Variants in ADCY2 observed in about 807,000 individuals in gnomAD.
The protein encoded by ADCY2 is adenylate cyclase type 2.
In ADCY2, 31 loss-of-function variants were observed where a neutral mutation model predicts 125.2. That is an observed-to-expected ratio of 0.25 (90% confidence interval 0.19 to 0.33). ADCY2 has a LOEUF of 0.33. ADCY2 is among the 10% of genes least tolerant of loss of function. The pLI is 1.00. For synonymous variants in ADCY2, 512 were observed against 548.4 expected (o/e 0.93, Z 0.93); for missense variants, 904 against 1,418.2 (o/e 0.64, Z 5.82).
chr5:7,670,058 C>T lies in ADCY2; in HGVS notation c.721-20633C>T, dbSNP rs117285030. On this transcript the variant is annotated intron_variant, in intron 4 of 24. Coordinates refer to ENST00000338316, the MANE Select transcript of ADCY2 (RefSeq NM_020546.3). Reference sequence around the variant, plus strand: ...ACCACTCCAGACAGTTAAGTTGTCACCAATGTTATTTTTTCATTTACTTAA... The same window carrying T: ...ACCACTCCAGACAGTTAAGTTGTCATCAATGTTATTTTTTCATTTACTTAA... Among the ~76,000 whole-genome samples, 49 of 152,286 alleles carry T rather than the reference C, an allele frequency of 3.2e-4. No homozygotes were observed. In the East Asian group the frequency reaches 3.5e-3, roughly 11 times the overall value.
chr5:7,617,221 T>A (rs1455489393), intron 3 of ADCY2, among the ~76,000 whole-genome samples: 1 of 152,162 alleles, frequency 6.6e-6, no homozygotes, highest in Non-Finnish European at 1.5e-5. Flanking sequence ...AACCCTGCCA[T>A]CACCTTGATA....
Position 7,512,218 on chromosome 5 carries a change from C to CAAAAAAAAAAAAAAAAAAA in ADCY2, c.409-8516_409-8498dup, listed in dbSNP as rs57381383. On this transcript the variant is annotated intron_variant, in intron 2 of 24. Coordinates refer to ENST00000338316, the MANE Select transcript of ADCY2 (RefSeq NM_020546.3). ...CCTGGGCAGTAGAGCATGACTCCATCAAAAAAAAAAAAAAAAAAAAAAGAA... is the reference window on the plus strand; with the variant it reads ...CCTGGGCAGTAGAGCATGACTCCATCAAAAAAAAAAAAAAAAAAAAAAAAAAAAAAAAAAAAAAAAAGAA... 3.6e-3 allele frequency among the ~76,000 whole-genome samples: 210 copies of CAAAAAAAAAAAAAAAAAAA among 57,774 alleles called. 12 individuals are homozygous for CAAAAAAAAAAAAAAAAAAA. Among genetic ancestry groups the CAAAAAAAAAAAAAAAAAAA allele is most frequent in the South Asian group, 0.013 (11 of 876 alleles). The allele number at this position is 57,774 out of a possible 152,430, so 37.9% of individuals were successfully genotyped here.
intron 16 of ADCY2, among the ~76,000 whole-genome samples, chr5:7,761,143 C>CTTT (rs1482654809): frequency 1.9e-4 from 12 of 64,538 alleles, no homozygotes; most frequent in South Asian, 1.3e-3. Context: ...CTTTTCTTTT[C>CTTT]TTTTCTTTTT....
At chr5:7,589,549 A>AGGAG in intron 3 of ADCY2, among the ~76,000 whole-genome samples, 1 of 151,164 alleles carries the variant, frequency 6.6e-6, no homozygotes, top group Middle Eastern at 3.4e-3. Context: ...GAGGGAGGGA[A>AGGAG]GGAGGAAGGA....
intron 15 of ADCY2, among the ~76,000 whole-genome samples, chr5:7,747,834 C>T (rs1413215621): frequency 2.0e-5 from 3 of 152,206 alleles, no homozygotes; most frequent in Non-Finnish European, 4.4e-5. Context: ...TGTACTACTT[C>T]AGGCACTTGA....
intron 3 of ADCY2, among the ~76,000 whole-genome samples, chr5:7,616,050 T>G (rs2126648555): frequency 6.6e-6 from 1 of 152,330 alleles, no homozygotes; most frequent in South Asian, 2.1e-4. Flanking sequence ...GGCATAATAC[T>G]TAAGTTGCTA....
At chr5:7,627,962 TTTTG>T (rs1170322492) in intron 4 of ADCY2, among the ~76,000 whole-genome samples, 9 of 152,306 alleles carry the variant, frequency 5.9e-5, no homozygotes, top group East Asian at 3.9e-4. Flanking sequence ...GAACCGATGT[TTTTG>T]TTTGTTTGTT....
At chr5:7,520,619 T>C in intron 2 of ADCY2, 119 bp from the exon 3 acceptor site, 1 of 1,105,202 alleles carries the variant, frequency 9.0e-7, no homozygotes, top group East Asian at 2.4e-5. Flanking sequence ...GTCTATAGAT[T>C]ATTTCTAAAA....
At chr5:7,789,826 G>A (rs1744198416) in intron 20 of ADCY2, 26 bp downstream of exon 20, 1 of 1,462,180 alleles carries the variant, frequency 6.8e-7, no homozygotes, top group Non-Finnish European at 9.1e-7. Flanking sequence ...CTGGGGGCTG[G>A]GGGAGGGGGC....
At chr5:7,541,285 C>T (rs979754451) in intron 3 of ADCY2, among the ~76,000 whole-genome samples, 1 of 152,204 alleles carries the variant, frequency 6.6e-6, no homozygotes, top group African/African-American at 2.4e-5. Flanking sequence ...AGCTGACTGG[C>T]AGCATGAGAA....
At chr5:7,398,595 G>T (rs1214940244) in intron 1 of ADCY2, among the ~76,000 whole-genome samples, 1 of 152,248 alleles carries the variant, frequency 6.6e-6, no homozygotes, top group Non-Finnish European at 1.5e-5. Context: ...TCCAGAGACA[G>T]TGAAATGAAT....
chr5:7,666,170 T>C (rs1343164726), intron 4 of ADCY2, among the ~76,000 whole-genome samples: 2 of 151,812 alleles, frequency 1.3e-5, no homozygotes, highest in Non-Finnish European at 2.9e-5. Flanking sequence ...AAGTCTTTAA[T>C]CACTTTGTCT....
chr5:7,768,107 A>C lies in ADCY2; in HGVS notation c.2214+1301A>C, dbSNP rs1743450223. Among the ~76,000 whole-genome samples the C allele has an allele frequency of 2.0e-5, 3 of 152,232 alleles. No homozygotes were observed. In the South Asian group the frequency reaches 6.2e-4, roughly 32 times the overall value. On this transcript the variant is annotated intron_variant, in intron 17 of 24. Transcript: ENST00000338316. ...TGAGGCCTTGACTAGGTCATGGGCA[A>C]AATGACCAAGGTCCAAAAGCAATGT... is the stretch of plus-strand genomic sequence containing the variant.
intron 24 of ADCY2, among the ~76,000 whole-genome samples, chr5:7,823,309 G>C (rs183723525): frequency 2.9e-4 from 44 of 152,310 alleles, no homozygotes; most frequent in African/African-American, 1.1e-3. Context: ...ATCTGCTCAC[G>C]AGATCAGACT....
At chr5:7,420,913 A>G (rs1220872255) in intron 2 of ADCY2, among the ~76,000 whole-genome samples, 1 of 152,122 alleles carries the variant, frequency 6.6e-6, no homozygotes, top group East Asian at 1.9e-4. Flanking sequence ...ATACATGAGC[A>G]TGTTGAACTC....
chr5:7,451,161 A>G (rs1741456224), intron 2 of ADCY2, among the ~76,000 whole-genome samples: 1 of 152,216 alleles, frequency 6.6e-6, no homozygotes, highest in African/African-American at 2.4e-5. Flanking sequence ...TACATTTTAT[A>G]AGGCTATAGA....
intron 4 of ADCY2, among the ~76,000 whole-genome samples, chr5:7,687,593 T>A (rs1052400669): frequency 1.3e-5 from 2 of 152,188 alleles, no homozygotes; most frequent in Non-Finnish European, 2.9e-5. Context: ...CCTGGGACTC[T>A]CTGAGCAATG....
chr5:7,484,760 T>C (rs964050564), intron 2 of ADCY2, among the ~76,000 whole-genome samples: 3 of 152,186 alleles, frequency 2.0e-5, no homozygotes, highest in African/African-American at 7.2e-5. Flanking sequence ...TACCCAGCTG[T>C]TTTTGTTTTC....
At chr5:7,479,878 G>A (rs1002473537) in intron 2 of ADCY2, among the ~76,000 whole-genome samples, 1 of 151,970 alleles carries the variant, frequency 6.6e-6, no homozygotes, top group Admixed American at 6.6e-5. Context: ...CTTATTTCAT[G>A]TAACATAATA....
Sources: allele counts gnomAD v4.1 joint callset (sites outside exome capture counted in the v4.1 genomes callset), GRCh38; gene constraint gnomAD v4.1.1; transcripts MANE v1.5; gene names NCBI Gene and HGNC (gene_info 2026-07-23, HGNC 2026-07-21).